The following ARHGAP31 variants were observed in gnomAD, a reference collection of about 807,000 sequenced individuals.
ARHGAP31 encodes the protein rho GTPase-activating protein 31.
ARHGAP31 carries 34 observed loss-of-function variants against 113.9 expected under a neutral mutation model. The ratio of observed to expected loss-of-function variants is 0.30; its 90% CI spans 0.23 to 0.40. The LOEUF is 0.40. Among genes scored for constraint, ARHGAP31 ranks in the 10% least tolerant of loss-of-function variants. The probability of loss-of-function intolerance (pLI) is 1.00; values close to 1 mark genes in which losing one functional copy is unlikely to be tolerated. For missense variants in ARHGAP31, 1,548 were observed against 1,767.1 expected, an observed-to-expected ratio of 0.88 and a Z score of 2.22; for synonymous variants, 650 against 684.8, an observed-to-expected ratio of 0.95 and a Z score of 0.79.
At chr3:119,378,221 C>T (rs1190945941) in intron 3 of ARHGAP31, among the ~76,000 whole-genome samples, 1 of 152,174 alleles carries the variant, frequency 6.6e-6, no homozygotes, top group Admixed American at 6.5e-5. Context: ...CCACTCCCAT[C>T]CCCCAGTTGC....
Position 119,311,123 on chromosome 3 carries a change from C to T in ARHGAP31, c.100+16119C>T, listed in dbSNP as rs186135397. ...GATTCCCCAGTTGGCCAATCGTCTC[C>T]GTTCCCAGTGTTTCTGCCCTAGAGT... On this transcript the variant is annotated intron_variant, in intron 1 of 11. Transcript: ENST00000264245. Among the ~76,000 whole-genome samples the T allele has an allele frequency of 2.0e-3, 298 of 152,334 alleles. 1 individual carries two copies. Among genetic ancestry groups the T allele is most frequent in the Non-Finnish European group, 2.0e-3 (139 of 68,032 alleles).
chr3:119,381,652 G>A (rs1447681653), intron 4 of ARHGAP31, among the ~76,000 whole-genome samples: 1 of 152,174 alleles, frequency 6.6e-6, no homozygotes, highest in Non-Finnish European at 1.5e-5. Flanking sequence ...ACTGCTTGGA[G>A]GCCATCCTGC....
At chr3:119,332,619 TCTCTCTCTCTCTCTCTCA>T (rs2079903131) in intron 1 of ARHGAP31, among the ~76,000 whole-genome samples, 1 of 115,528 alleles carries the variant, frequency 8.7e-6, no homozygotes, top group Non-Finnish European at 1.7e-5. Flanking sequence ...TCTCTCTCTC[TCTCTCTCTCTCTCTCTCA>T]CACACACACA....
intron 1 of ARHGAP31, among the ~76,000 whole-genome samples, chr3:119,321,279 C>T (rs797021639): frequency 2.1e-5 from 3 of 140,438 alleles, no homozygotes; most frequent in Non-Finnish European, 4.6e-5. Flanking sequence ...TATATATATA[C>T]TATATATATA....
chr3:119,367,779 C>T (rs1284328348), intron 2 of ARHGAP31, among the ~76,000 whole-genome samples: 2 of 151,526 alleles, frequency 1.3e-5, no homozygotes, highest in Non-Finnish European at 1.5e-5. Context: ...ATCACTTGAA[C>T]CCGGGAGGCG....
chr3:119,391,133 A>C, intron 7 of ARHGAP31, 150 bp downstream of exon 7: 2 of 877,608 alleles, frequency 2.3e-6, no homozygotes, highest in Non-Finnish European at 3.6e-6. Flanking sequence ...AAGAGAAGGG[A>C]GCTGTCTCTA....
In ARHGAP31 at chr3:119,375,140, T is replaced by C. The variant is rs142775974; in HGVS notation, c.349-5764T>C. Among the ~76,000 whole-genome samples, 581 of 152,332 alleles carry C rather than the reference T, an allele frequency of 3.8e-3. 4 individuals carry two copies. Among genetic ancestry groups the C allele is most frequent in the African/African-American group, 0.013 (561 of 41,568 alleles). ...TTTAATTGTGAGTACATGTATTAGT[T>C]TCCTGTTGCTGCTGTAACTAATTGC... On this transcript the variant is annotated intron_variant, in intron 3 of 11. Coordinates refer to ENST00000264245, the MANE Select transcript of ARHGAP31 (RefSeq NM_020754.4).
intron 10 of ARHGAP31, among the ~76,000 whole-genome samples, chr3:119,407,123 A>G (rs2080669931): frequency 6.6e-6 from 1 of 152,106 alleles, no homozygotes; most frequent in Non-Finnish European, 1.5e-5. Context: ...GGGTAGGCAG[A>G]TCACCTGAGG....
intron 4 of ARHGAP31, among the ~76,000 whole-genome samples, chr3:119,381,293 T>A (rs189874575): frequency 1.3e-4 from 20 of 152,174 alleles, no homozygotes; most frequent in Non-Finnish European, 2.9e-5. Context: ...CCCAGATTTG[T>A]AGCATAACCA....
At chr3:119,383,060 G>C in intron 5 of ARHGAP31, 24 bp from the exon 6 acceptor site, 1 of 1,613,724 alleles carries the variant, frequency 6.2e-7, no homozygotes, top group Non-Finnish European at 8.5e-7. Flanking sequence ...CTCACTAACT[G>C]AATATGTTTC....
intron 3 of ARHGAP31, among the ~76,000 whole-genome samples, chr3:119,369,761 A>G (rs1413898623): frequency 6.6e-6 from 1 of 152,160 alleles, no homozygotes; most frequent in Non-Finnish European, 1.5e-5. Flanking sequence ...AAGACTAACA[A>G]CTGTTCATTT....
intron 1 of ARHGAP31, among the ~76,000 whole-genome samples, chr3:119,326,743 GTAT>G (rs1456142365): frequency 6.6e-6 from 1 of 152,184 alleles, no homozygotes; most frequent in Non-Finnish European, 1.5e-5. Context: ...CATTCAGCAG[GTAT>G]TCAGAACATG....
intron 1 of ARHGAP31, among the ~76,000 whole-genome samples, chr3:119,348,071 G>A (rs1007130911): frequency 2.2e-4 from 33 of 152,288 alleles, no homozygotes; most frequent in African/African-American, 7.7e-4. Context: ...ACTGGCGGGC[G>A]AGCCAGCAAA....
intron 6 of ARHGAP31, among the ~76,000 whole-genome samples, chr3:119,383,741 C>T (rs558339907): frequency 1.3e-5 from 2 of 152,238 alleles, no homozygotes; most frequent in Admixed American, 6.5e-5. Context: ...CTTTGTTCTG[C>T]GCTATGCCAG....
chr3:119,387,040 T>G (rs2080457537), intron 6 of ARHGAP31, among the ~76,000 whole-genome samples: 1 of 152,174 alleles, frequency 6.6e-6, no homozygotes, highest in Non-Finnish European at 1.5e-5. Flanking sequence ...CGGGCGAGCC[T>G]GACTGATGTC....
intron 1 of ARHGAP31, among the ~76,000 whole-genome samples, chr3:119,308,122 AG>A (rs1228769283): frequency 1.3e-5 from 2 of 152,108 alleles, no homozygotes; most frequent in Non-Finnish European, 2.9e-5. Context: ...GGTGATCAGA[AG>A]AGTGAAGGAT....
intron 1 of ARHGAP31, among the ~76,000 whole-genome samples, chr3:119,297,801 G>A (rs1448526325): frequency 6.6e-6 from 1 of 152,120 alleles, no homozygotes; most frequent in African/African-American, 2.4e-5. Flanking sequence ...ACAAGGCTGG[G>A]TGTGTGGTTT....
chr3:119,410,842 T>C (rs1007934717), intron 11 of ARHGAP31, among the ~76,000 whole-genome samples: 2 of 152,178 alleles, frequency 1.3e-5, no homozygotes, highest in African/African-American at 4.8e-5. Flanking sequence ...AACAGCCTAG[T>C]TGGGAAAAGA....
chr3:119,365,413 G>T lies in ARHGAP31; in HGVS notation c.198G>T (p.Arg66=), dbSNP rs2107622856. The T allele has an allele frequency of 1.9e-6, 3 of 1,612,830 alleles. No homozygotes were observed. The highest frequency in any genetic ancestry group is 3.3e-5 in the Admixed American group (2 of 60,014). ...CAGGAGTCACCTCAAACATACAACG[G>T]CTAAGGTAAGCTAAAAGAATAGCCC... ...RLSGVTSNIQ[R]LRQEFGSDQC... Residue 66 remains arginine, a synonymous_variant, in exon 2 of 12, where the codon CGG becomes CGT. Coordinates refer to ENST00000264245, the MANE Select transcript of ARHGAP31 (RefSeq NM_020754.4).
Sources: gnomAD v4.1 joint callset for allele counts (sites outside exome capture counted in the v4.1 genomes callset) on GRCh38, gnomAD v4.1.1 for gene constraint, MANE v1.5 for transcripts, NCBI Gene and HGNC (gene_info 2026-07-23, HGNC 2026-07-21) for gene names.